ECT2L: variants seen among roughly 807,000 people sequenced by gnomAD.
The protein encoded by ECT2L is epithelial cell-transforming sequence 2 oncogene-like.
A neutral mutation model predicts 122.8 loss-of-function variants in ECT2L; 126 were observed. The ratio of observed to expected loss-of-function variants is 1.03; its 90% CI spans 0.89 to 1.19. The LOEUF (loss-of-function observed/expected upper bound fraction) is 1.19, where lower values mean the gene tolerates loss of function less well. Among genes scored for constraint, ECT2L ranks in the 50% most tolerant of loss-of-function variants. The pLI, the probability that ECT2L is intolerant of heterozygous loss-of-function variation, is 0.00. For synonymous variants in ECT2L, 385 were observed against 381.8 expected (o/e 1.01, Z -0.10); for missense variants, 1,012 against 1,064.1 (o/e 0.95, Z 0.68).
At chr6:138,835,419 T>G (rs887541111) in intron 4 of ECT2L, among the ~76,000 whole-genome samples, 3 of 151,864 alleles carry the variant, frequency 2.0e-5, no homozygotes, top group African/African-American at 7.3e-5. Context: ...GGTATGGTGG[T>G]GCATGCCTGG....
At chr6:138,841,392 G>A (rs372561772) in intron 5 of ECT2L, among the ~76,000 whole-genome samples, 7 of 152,174 alleles carry the variant, frequency 4.6e-5, no homozygotes, top group Admixed American at 2.0e-4. Context: ...CTTCTGGCAC[G>A]TCTAGTGCTA....
At chr6:138,887,430 GT>G (rs1778866901) in intron 19 of ECT2L, among the ~76,000 whole-genome samples, 1 of 151,854 alleles carries the variant, frequency 6.6e-6, no homozygotes, top group Non-Finnish European at 1.5e-5. Context: ...GTTTCACCGT[GT>G]TAGCCAGGAT....
At chr6:138,878,076 T>C (rs996602841) in intron 14 of ECT2L, among the ~76,000 whole-genome samples, 2 of 152,198 alleles carry the variant, frequency 1.3e-5, no homozygotes, top group African/African-American at 4.8e-5. Context: ...CATTTTTTCA[T>C]TTTAAACAAG....
chr6:138,835,434 C>T (rs1776799501), intron 4 of ECT2L, among the ~76,000 whole-genome samples: 1 of 151,838 alleles, frequency 6.6e-6, no homozygotes, highest in South Asian at 2.1e-4. Flanking sequence ...GCCTGGAGTC[C>T]CCAGCAATTT....
At chr6:138,835,247 G>T (rs1776791070) in intron 4 of ECT2L, among the ~76,000 whole-genome samples, 1 of 152,118 alleles carries the variant, frequency 6.6e-6, no homozygotes, top group Non-Finnish European at 1.5e-5. Context: ...TCCTCATTTA[G>T]TTAACATTTT....
At position 138,797,223 on chromosome 6, in the gene ECT2L, A is replaced by C. The variant is rs146054302; in HGVS notation, c.-244+1031A>C. Among the ~76,000 whole-genome samples, 973 of 152,246 alleles carry C rather than the reference A, an allele frequency of 6.4e-3. 6 individuals are homozygous for C. Among genetic ancestry groups the C allele is most frequent in the African/African-American group, 0.022 (931 of 41,534 alleles). ...CCCTAAATGTGGGACATTTAACTCAACTGGAATTGTCTTTCATTTCTGTTT... is the reference window on the plus strand; with the variant it reads ...CCCTAAATGTGGGACATTTAACTCACCTGGAATTGTCTTTCATTTCTGTTT... On this transcript the variant is annotated intron_variant, in intron 1 of 21. Transcript: ENST00000541398.
intron 8 of ECT2L, among the ~76,000 whole-genome samples, chr6:138,847,184 C>T (rs1464033774): frequency 4.6e-5 from 7 of 150,918 alleles, no homozygotes; most frequent in South Asian, 2.1e-4. Flanking sequence ...GCATGAGAAT[C>T]GCTTGAACCC....
intron 13 of ECT2L, among the ~76,000 whole-genome samples, chr6:138,873,898 G>GTGTGTGTA (rs1554277024): frequency 2.9e-4 from 43 of 150,234 alleles, no homozygotes; most frequent in African/African-American, 8.4e-4. Flanking sequence ...GTGTGTGTGT[G>GTGTGTGTA]TGTGTGTGTG....
In ECT2L at chr6:138,868,214, T is replaced by C; in HGVS notation, c.1578+8T>C. The C allele has an allele frequency of 4.4e-6, 7 of 1,602,022 alleles. No individual in the cohort carries two copies. The highest frequency in any genetic ancestry group is 6.0e-6 in the Non-Finnish European group (7 of 1,174,714). ...TTGTCAAAAGAAGATTCTGTAAGTG[T>C]TTCTTTGAAGAAAGTAAACTATGAA... is the stretch of plus-strand genomic sequence containing the variant. On this transcript the variant is annotated splice_region_variant and intron_variant, in intron 13 of 21. Transcript: ENST00000541398.
At chr6:138,868,869 T>C (rs1778143909) in intron 13 of ECT2L, among the ~76,000 whole-genome samples, 1 of 152,056 alleles carries the variant, frequency 6.6e-6, no homozygotes, top group Non-Finnish European at 1.5e-5. Flanking sequence ...AGCATGGCTA[T>C]AGGAAAATGC....
At chr6:138,800,224 G>A (rs1268059581) in intron 1 of ECT2L, among the ~76,000 whole-genome samples, 1 of 152,148 alleles carries the variant, frequency 6.6e-6, no homozygotes, top group Non-Finnish European at 1.5e-5. Flanking sequence ...GTAAAAAGCT[G>A]GGCTGTGAGA....
intron 10 of ECT2L, among the ~76,000 whole-genome samples, chr6:138,857,047 C>A (rs758972237): frequency 4.6e-5 from 7 of 152,156 alleles, no homozygotes; most frequent in Non-Finnish European, 1.0e-4. Context: ...GTCTTCCCTT[C>A]GCCCTGATGG....
chr6:138,876,501 G>C lies in ECT2L; in HGVS notation c.1608G>C (p.Trp536Cys). The stretch of plus-strand genomic sequence containing the variant: ...GAAATGTTGTAGAAGACAATTCTTG[G>C]GACACAAAGTCCAGGCTCAGCAAAA... ...SERNVVEDNS[W>C]DTKSRLSKND... The change falls in exon 14 of 22, where the codon TGG becomes TGC. Residue 536 changes from tryptophan to cysteine, a missense_variant. Physicochemically the swap from Trp to Cys is radical, Grantham distance 215. Transcript: ENST00000541398. The C allele has an allele frequency of 6.2e-7, 1 of 1,612,916 alleles. No homozygotes were observed. The highest frequency in any genetic ancestry group is 8.5e-7 in the Non-Finnish European group (1 of 1,179,272).
chr6:138,902,724 C>G lies in ECT2L; in HGVS notation c.*97C>G. Reference sequence around the variant, plus strand: ...AAATATCCAGTAAGAAACAGAATAACTGTCATGGATGATGAGATAAACTAA... The same window carrying G: ...AAATATCCAGTAAGAAACAGAATAAGTGTCATGGATGATGAGATAAACTAA... On this transcript the variant is annotated 3_prime_UTR_variant, in exon 22 of 22. Coordinates refer to ENST00000541398, the MANE Select transcript of ECT2L (RefSeq NM_001077706.3). The G allele has an allele frequency of 7.0e-7, 1 of 1,422,986 alleles. No individual in the cohort carries two copies. The highest frequency in any genetic ancestry group is 9.8e-7 in the Non-Finnish European group (1 of 1,025,478). The allele number at this position is 1,422,986 out of a possible 1,614,324, so 88.1% of individuals were successfully genotyped here. A position where few individuals can be genotyped will look rare whatever the true frequency, so the allele number is the denominator to read the frequency against.
intron 20 of ECT2L, among the ~76,000 whole-genome samples, chr6:138,891,400 T>G (rs1431902686): frequency 2.0e-5 from 3 of 152,238 alleles, no homozygotes; most frequent in Non-Finnish European, 4.4e-5. Context: ...GTATGTTATC[T>G]TTTAAGGTCT....
At chr6:138,797,058 T>C (rs935823072) in intron 1 of ECT2L, among the ~76,000 whole-genome samples, 3 of 152,208 alleles carry the variant, frequency 2.0e-5, no homozygotes, top group African/African-American at 7.2e-5. Flanking sequence ...CATTTGAAAA[T>C]ACCAGCACAA....
chr6:138,855,245 C>T (rs148655751), intron 10 of ECT2L, among the ~76,000 whole-genome samples: 305 of 152,156 alleles, frequency 2.0e-3, no homozygotes, highest in African/African-American at 7.0e-3. Flanking sequence ...TGGTGGCTCA[C>T]ACCTGTAATC....
chr6:138,893,635 T>G (rs1186675333), intron 20 of ECT2L, among the ~76,000 whole-genome samples: 1 of 152,146 alleles, frequency 6.6e-6, no homozygotes, highest in East Asian at 1.9e-4. Context: ...TTGGCCAGGC[T>G]GGTCTCGAAC....
chr6:138,834,935 A>ACTCTCC (rs1554271415), intron 4 of ECT2L, among the ~76,000 whole-genome samples: 1 of 142,764 alleles, frequency 7.0e-6, no homozygotes, highest in South Asian at 2.3e-4. Context: ...ACACACACAC[A>ACTCTCC]CTCTCATTCT....
Sources: gnomAD v4.1 joint callset for allele counts (sites outside exome capture counted in the v4.1 genomes callset) on GRCh38, gnomAD v4.1.1 for gene constraint, MANE v1.5 for transcripts, NCBI Gene and HGNC (gene_info 2026-07-23, HGNC 2026-07-21) for gene names.